The following DAB1 variants were observed in gnomAD, a reference collection of about 807,000 sequenced individuals.
The protein encoded by DAB1 is DAB adaptor protein 1, also known as disabled homolog 1.
A neutral mutation model predicts 64.6 loss-of-function variants in DAB1; 15 were observed. That is an observed-to-expected ratio of 0.23 (90% CI 0.16 to 0.36). DAB1 has a LOEUF of 0.36. DAB1 is among the 10% of genes least tolerant of loss of function. The pLI, the probability that DAB1 is intolerant of heterozygous loss-of-function variation, is 1.00. For missense variants in DAB1, 596 were observed against 706.7 expected (o/e 0.84, Z 1.78); for synonymous variants, 235 against 251.9 (o/e 0.93, Z 0.64).
chr1:58,070,474 T>C (rs1316322078), intron 5 of DAB1, among the ~76,000 whole-genome samples: 1 of 152,188 alleles, frequency 6.6e-6, no homozygotes, highest in Non-Finnish European at 1.5e-5. Context: ...GCCAGACACC[T>C]GGGGCAGGAG....
chr1:57,797,032 A>T (rs1650906802), intron 6 of DAB1, among the ~76,000 whole-genome samples: 1 of 152,182 alleles, frequency 6.6e-6, no homozygotes, highest in African/African-American at 2.4e-5. Flanking sequence ...GTGTAGTCAC[A>T]AAAGTTTGCT....
intron 2 of DAB1, among the ~76,000 whole-genome samples, chr1:57,152,720 A>T (rs1016052088): frequency 6.6e-6 from 1 of 152,246 alleles, no homozygotes; most frequent in South Asian, 2.1e-4. Context: ...AATAGTTAAT[A>T]TATTTATAAC....
chr1:57,056,514 A>AG (rs1488303852), intron 9 of DAB1, among the ~76,000 whole-genome samples: 5 of 151,260 alleles, frequency 3.3e-5, no homozygotes, highest in Admixed American at 6.6e-5. Flanking sequence ...CAAAAAAAAA[A>AG]AAAAAAGAAA....
intron 5 of DAB1, among the ~76,000 whole-genome samples, chr1:57,910,479 AT>A (rs201079495): frequency 3.3e-5 from 5 of 151,134 alleles, no homozygotes; most frequent in African/African-American, 7.3e-5. Flanking sequence ...TTTCTTTTCT[AT>A]TTTTTTTTCC....
intron 1 of DAB1, among the ~76,000 whole-genome samples, chr1:57,298,377 T>C (rs909622690): frequency 1.3e-5 from 2 of 152,156 alleles, no homozygotes; most frequent in Non-Finnish European, 2.9e-5. Context: ...TCCACCATCA[T>C]TGCAGCAGAT....
intron 3 of DAB1, among the ~76,000 whole-genome samples, chr1:58,439,196 A>AAAGCTCTCTCCC (rs1553182336): frequency 6.7e-6 from 1 of 148,218 alleles, no homozygotes; most frequent in Non-Finnish European, 1.5e-5. Context: ...CTTTGTCTGG[A>AAAGCTCTCTCCC]AAGCTCTCTC....
chr1:57,527,618 G>A (rs941680297), intron 7 of DAB1, among the ~76,000 whole-genome samples: 1 of 152,118 alleles, frequency 6.6e-6, no homozygotes, highest in Non-Finnish European at 1.5e-5. Context: ...GTGCATACAT[G>A]GGTTTATAGA....
At chr1:58,458,830 C>CA (rs763488719) in intron 3 of DAB1, among the ~76,000 whole-genome samples, 3,567 of 142,932 alleles carry the variant, frequency 0.025, 142 homozygotes, top group African/African-American at 0.081. Flanking sequence ...AACAAACAAA[C>CA]AAAAAAAAAA....
At chr1:58,457,712 G>T (rs1445531780) in intron 3 of DAB1, among the ~76,000 whole-genome samples, 1 of 152,184 alleles carries the variant, frequency 6.6e-6, no homozygotes, top group Non-Finnish European at 1.5e-5. Flanking sequence ...GTGGGGGTGA[G>T]GGCTTCCTGT....
rs541699657 is a variant in DAB1, at chr1:57,240,014, T to A, written c.67+50950A>T. On this transcript the variant is annotated intron_variant, in intron 2 of 14. Transcript: ENST00000371236. ...ATTTGAATTAAACTGTGATTCATTT[T>A]AAAATTTTATCTGTCTAGGGCACAA... Among the ~76,000 whole-genome samples the A allele has an allele frequency of 1.4e-4, 22 of 152,386 alleles. No individual in the cohort carries two copies. The South Asian group carries it at 4.1e-3, about 29-fold the overall frequency.
chr1:57,576,178 T>C (rs1166088045), intron 7 of DAB1, among the ~76,000 whole-genome samples: 3 of 152,228 alleles, frequency 2.0e-5, no homozygotes, highest in African/African-American at 7.2e-5. Flanking sequence ...TTCATTATTA[T>C]AAACTAGAAT....
chr1:57,672,453 C>T (rs1006755375), intron 6 of DAB1, among the ~76,000 whole-genome samples: 2 of 152,088 alleles, frequency 1.3e-5, no homozygotes, highest in Admixed American at 6.6e-5. Flanking sequence ...CAAGACTACA[C>T]AATTTAAACC....
intron 3 of DAB1, among the ~76,000 whole-genome samples, chr1:58,475,477 A>AACAC (rs112408529): frequency 0.13 from 18,916 of 148,090 alleles, 1,469 homozygotes; most frequent in African/African-American, 0.23. Flanking sequence ...AGGTTAATTA[A>AACAC]ACACACACAC....
At chr1:57,478,917 C>A (rs182723652) in intron 7 of DAB1, among the ~76,000 whole-genome samples, 1 of 152,088 alleles carries the variant, frequency 6.6e-6, no homozygotes, top group African/African-American at 2.4e-5. Flanking sequence ...CATTCTTTTG[C>A]TAAGTCTACT....
chr1:57,787,774 GT>G (rs1173751882), intron 6 of DAB1, among the ~76,000 whole-genome samples: 7 of 152,046 alleles, frequency 4.6e-5, no homozygotes, highest in Non-Finnish European at 7.4e-5. Flanking sequence ...ACACACATTT[GT>G]TAAAGGACTC....
chr1:57,703,686 T>A (rs764350043), intron 6 of DAB1, among the ~76,000 whole-genome samples: 3 of 152,152 alleles, frequency 2.0e-5, no homozygotes, highest in Non-Finnish European at 2.9e-5. Flanking sequence ...CTATTACTGG[T>A]ATATACCCAA....
chr1:58,175,865 G>A (rs984737979), intron 4 of DAB1, among the ~76,000 whole-genome samples: 7 of 152,130 alleles, frequency 4.6e-5, no homozygotes, highest in Non-Finnish European at 8.8e-5. Context: ...TCAGAGGCTT[G>A]ATCACAGCCC....
At chr1:57,642,734 G>A (rs1646145291) in intron 7 of DAB1, among the ~76,000 whole-genome samples, 1 of 152,174 alleles carries the variant, frequency 6.6e-6, no homozygotes, top group Non-Finnish European at 1.5e-5. Flanking sequence ...TTTTGAATAG[G>A]ATACCTTTGG....
chr1:57,279,270 C>A (rs764218859), intron 2 of DAB1, among the ~76,000 whole-genome samples: 3 of 152,138 alleles, frequency 2.0e-5, no homozygotes, highest in Non-Finnish European at 4.4e-5. Context: ...TGCATACAAC[C>A]TATGTAATCC....
Sources: allele counts gnomAD v4.1 joint callset (sites outside exome capture counted in the v4.1 genomes callset), GRCh38; gene constraint gnomAD v4.1.1; transcripts MANE v1.5; gene names NCBI Gene and HGNC (gene_info 2026-07-23, HGNC 2026-07-21).